Variants in HMGA2 observed in about 807,000 individuals in gnomAD.
HMGA2 encodes the protein high mobility group protein HMGI-C.
HMGA2 carries 8 observed loss-of-function variants against 19.1 expected under a neutral mutation model. That is an observed-to-expected ratio of 0.42 (90% confidence interval 0.25 to 0.76). The LOEUF is 0.76. Among genes scored for constraint, HMGA2 ranks in the 30% least tolerant of loss-of-function variants. The pLI, the probability that HMGA2 is intolerant of heterozygous loss-of-function variation, is 0.28. For synonymous variants in HMGA2, 60 were observed against 48.8 expected (o/e 1.23, Z -0.96); for missense variants, 109 against 136.3 (o/e 0.80, Z 1.00).
At chr12:65,865,401 T>C (rs1188041263) in intron 3 of HMGA2, among the ~76,000 whole-genome samples, 1 of 152,142 alleles carries the variant, frequency 6.6e-6, no homozygotes. Flanking sequence ...CTTTTACAGA[T>C]AGAAATGAAA....
At chr12:65,866,369 T>A (rs1239336825) in intron 3 of HMGA2, among the ~76,000 whole-genome samples, 1 of 151,806 alleles carries the variant, frequency 6.6e-6, no homozygotes, top group East Asian at 1.9e-4. Flanking sequence ...TAATGGAGAG[T>A]ATTGGAGTAG....
intron 3 of HMGA2, chr12:65,942,730 C>A (rs865880707): frequency 6.6e-6 from 1 of 152,134 alleles, no homozygotes; most frequent in Non-Finnish European, 1.5e-5. Flanking sequence ...TGCTATAACT[C>A]GGGAGCACAC....
intron 3 of HMGA2, among the ~76,000 whole-genome samples, chr12:65,915,808 T>G (rs1283846953): frequency 6.6e-6 from 1 of 152,230 alleles, no homozygotes; most frequent in East Asian, 1.9e-4. Flanking sequence ...GCTTAAAATG[T>G]CCACATTCTA....
At chr12:65,883,407 T>C (rs1873523149) in intron 3 of HMGA2, among the ~76,000 whole-genome samples, 1 of 152,232 alleles carries the variant, frequency 6.6e-6, no homozygotes, top group Non-Finnish European at 1.5e-5. Context: ...GGGTGTCTGG[T>C]ATTGTGCAAA....
chr12:65,946,386 A>G (rs1876264343), intron 3 of HMGA2, among the ~76,000 whole-genome samples: 2 of 152,126 alleles, frequency 1.3e-5, no homozygotes, highest in Admixed American at 1.3e-4. Context: ...CTTACATTAA[A>G]CCCAGAGACT....
At chr12:65,855,372 C>T (rs1051687498) in intron 3 of HMGA2, among the ~76,000 whole-genome samples, 1 of 151,836 alleles carries the variant, frequency 6.6e-6, no homozygotes, top group African/African-American at 2.4e-5. Context: ...TGTTTAGGTT[C>T]CCCAAATAAA....
chr12:65,948,481 T>G (rs1031009829), intron 3 of HMGA2: 1 of 152,366 alleles, frequency 6.6e-6, no homozygotes, highest in East Asian at 1.9e-4. Context: ...GTTTGTTTCC[T>G]TTCCCTTTTT....
intron 3 of HMGA2, among the ~76,000 whole-genome samples, chr12:65,901,257 A>ATAAAACAT (rs1874360561): frequency 2.6e-5 from 4 of 152,280 alleles, no homozygotes; most frequent in African/African-American, 9.6e-5. Flanking sequence ...CAGCCTTTAC[A>ATAAAACAT]TTATAAATAG....
chr12:65,843,931 C>T (rs1235268396), intron 3 of HMGA2, among the ~76,000 whole-genome samples: 1 of 151,878 alleles, frequency 6.6e-6, no homozygotes, highest in Non-Finnish European at 1.5e-5. Context: ...TGCCTGTAGT[C>T]CCAGCTATTC....
intron 3 of HMGA2, among the ~76,000 whole-genome samples, chr12:65,891,449 A>T (rs1873907721): frequency 6.6e-6 from 1 of 152,210 alleles, no homozygotes; most frequent in Non-Finnish European, 1.5e-5. Context: ...CCATTGTGAC[A>T]CTGGAGCAGC....
chr12:65,912,013 A>G (rs1874867547), intron 3 of HMGA2, among the ~76,000 whole-genome samples: 1 of 152,152 alleles, frequency 6.6e-6, no homozygotes, highest in Non-Finnish European at 1.5e-5. Flanking sequence ...AATACGTTGT[A>G]TGGAAGTTCT....
intron 3 of HMGA2, among the ~76,000 whole-genome samples, chr12:65,916,046 G>T (rs1875087153): frequency 6.6e-6 from 1 of 152,142 alleles, no homozygotes; most frequent in South Asian, 2.1e-4. Flanking sequence ...TCTAAGAGGA[G>T]TACCGTGCTG....
chr12:65,877,439 G>C (rs73121704), intron 3 of HMGA2, among the ~76,000 whole-genome samples: 2,410 of 152,262 alleles, frequency 0.016, 41 homozygotes, highest in Middle Eastern at 0.041. Flanking sequence ...TGAGAACTGG[G>C]AGACATAATG....
rs191358990 is a variant in HMGA2 at position 65,891,380 on chromosome 12, A to G, written c.249+52811A>G. Among the ~76,000 whole-genome samples, 264 of 152,326 alleles carry G rather than the reference A, an allele frequency of 1.7e-3. 1 individual carries two copies. The highest frequency in any genetic ancestry group is 6.0e-3 in the African/African-American group (248 of 41,582). ...GGGATAAACTTTGAGTGGTTCCATC[A>G]GTAGTGATTCATGATGTTGAACTAC... On this transcript the variant is annotated intron_variant, in intron 3 of 4. Transcript: ENST00000403681.
At chr12:65,844,295 A>C (rs765599811) in intron 3 of HMGA2, among the ~76,000 whole-genome samples, 1 of 152,144 alleles carries the variant, frequency 6.6e-6, no homozygotes, top group Non-Finnish European at 1.5e-5. Context: ...GCATTTTTAA[A>C]ATACATGCTT....
At chr12:65,920,399 A>G (rs1875263729) in intron 3 of HMGA2, among the ~76,000 whole-genome samples, 1 of 152,220 alleles carries the variant, frequency 6.6e-6, no homozygotes, top group African/African-American at 2.4e-5. Context: ...GAATAAAAAA[A>G]GAGAAAAAGA....
At chr12:65,898,511 T>C (rs1300392258) in intron 3 of HMGA2, among the ~76,000 whole-genome samples, 3 of 152,132 alleles carry the variant, frequency 2.0e-5, no homozygotes, top group Admixed American at 1.3e-4. Context: ...TCTTTTTTTT[T>C]CCCAGTGAAG....
intron 3 of HMGA2, among the ~76,000 whole-genome samples, chr12:65,885,151 G>A (rs1201100597): frequency 6.6e-6 from 1 of 152,138 alleles, no homozygotes; most frequent in Non-Finnish European, 1.5e-5. Flanking sequence ...ATCTAGAGAA[G>A]CTTTTGATAT....
At chr12:65,925,027 A>G (rs1391135895) in intron 3 of HMGA2, among the ~76,000 whole-genome samples, 1 of 152,176 alleles carries the variant, frequency 6.6e-6, no homozygotes, top group Non-Finnish European at 1.5e-5. Flanking sequence ...AAATGCCCAG[A>G]AGCTTCCAAG....
Sources: gnomAD v4.1 joint callset for allele counts (sites outside exome capture counted in the v4.1 genomes callset) on GRCh38, gnomAD v4.1.1 for gene constraint, MANE v1.5 for transcripts, NCBI Gene and HGNC (gene_info 2026-07-23, HGNC 2026-07-21) for gene names.